Variants in PXDNL observed in about 807,000 individuals in gnomAD.
The protein encoded by PXDNL is peroxidasin like.
In PXDNL, 145 loss-of-function variants were observed where a neutral mutation model predicts 150.8. The ratio of observed to expected loss-of-function variants is 0.96; its 90% confidence interval spans 0.84 to 1.10. PXDNL has a LOEUF of 1.10. Ranked by LOEUF, PXDNL falls within the 50% of genes least tolerant of loss-of-function variation. The pLI, the probability that PXDNL is intolerant of heterozygous loss-of-function variation, is 0.00. For missense variants in PXDNL, 2,087 were observed against 1,873.9 expected, an observed-to-expected ratio of 1.11 and a Z score of -2.10; for synonymous variants, 757 against 725.7, an observed-to-expected ratio of 1.04 and a Z score of -0.69.
At chr8:51,792,488 A>G (rs1295710378) in intron 1 of PXDNL, among the ~76,000 whole-genome samples, 1 of 152,226 alleles carries the variant, frequency 6.6e-6, no homozygotes. Context: ...GCAGATTCTC[A>G]GCAACCACTC....
chr8:51,639,653 G>T (rs2130773911), intron 2 of PXDNL, among the ~76,000 whole-genome samples: 1 of 152,262 alleles, frequency 6.6e-6, no homozygotes, highest in East Asian at 1.9e-4. Flanking sequence ...ACTAAACCAG[G>T]AAGAAGTTGA....
intron 2 of PXDNL, among the ~76,000 whole-genome samples, chr8:51,644,930 G>T (rs1332059423): frequency 6.6e-6 from 1 of 151,900 alleles, no homozygotes; most frequent in South Asian, 2.1e-4. Flanking sequence ...ATCAGTCAGG[G>T]TTCTCCAGAG....
At chr8:51,607,090 A>G (rs1813851942) in intron 2 of PXDNL, among the ~76,000 whole-genome samples, 1 of 152,324 alleles carries the variant, frequency 6.6e-6, no homozygotes, top group Non-Finnish European at 1.5e-5. Context: ...ATATTGTGGA[A>G]TATAATTTAC....
intron 8 of PXDNL, among the ~76,000 whole-genome samples, chr8:51,459,510 T>C (rs1810015984): frequency 6.6e-6 from 1 of 152,222 alleles, no homozygotes; most frequent in Non-Finnish European, 1.5e-5. Context: ...CCAGGATTCA[T>C]TATGTTAAAA....
chr8:51,756,059 T>C (rs778116809), intron 1 of PXDNL, among the ~76,000 whole-genome samples: 1 of 152,158 alleles, frequency 6.6e-6, no homozygotes, highest in African/African-American at 2.4e-5. Flanking sequence ...ATCATATACA[T>C]GAGTATCACA....
At chr8:51,354,713 C>T (rs1408567553) in intron 19 of PXDNL, among the ~76,000 whole-genome samples, 1 of 152,012 alleles carries the variant, frequency 6.6e-6, no homozygotes, top group East Asian at 1.9e-4. Flanking sequence ...TGGTGAAGCC[C>T]TGCTAATGAA....
chr8:51,683,318 G>T (rs1434973285), intron 1 of PXDNL, among the ~76,000 whole-genome samples: 1 of 150,138 alleles, frequency 6.7e-6, no homozygotes, highest in Non-Finnish European at 1.5e-5. Context: ...TCTCCCTAAT[G>T]ATTAGTGACA....
In PXDNL at chr8:51,324,063, C is replaced by T. The variant is rs577023786; in HGVS notation, c.4147-3166G>A. 2.6e-5 allele frequency among the ~76,000 whole-genome samples: 4 copies of T among 152,178 alleles called. No individual in the cohort carries two copies. The East Asian group carries it at 7.7e-4, about 29-fold the overall frequency. ...ATAAAAGGATGTAACTTTCCTTTTC[C>T]TATCACCCATGTGTTCATTGTTAGT... On this transcript the variant is annotated intron_variant, in intron 21 of 22. Coordinates refer to ENST00000356297, the MANE Select transcript of PXDNL (RefSeq NM_144651.5).
At chr8:51,414,102 C>T (rs1808726972) in intron 14 of PXDNL, among the ~76,000 whole-genome samples, 1 of 151,822 alleles carries the variant, frequency 6.6e-6, no homozygotes, top group South Asian at 2.1e-4. Flanking sequence ...TGATTAAAAA[C>T]TTGAATAGTA....
At chr8:51,638,267 C>T (rs1213173445) in intron 2 of PXDNL, among the ~76,000 whole-genome samples, 15 of 152,224 alleles carry the variant, frequency 9.9e-5, no homozygotes, top group East Asian at 1.9e-4. Context: ...TAAAGACCAT[C>T]GAGGCTAGGA....
chr8:51,581,562 A>G (rs554433356), intron 3 of PXDNL, among the ~76,000 whole-genome samples: 51 of 152,148 alleles, frequency 3.4e-4, no homozygotes, highest in African/African-American at 1.2e-3. Flanking sequence ...TGCACCAGAA[A>G]AAGAAATGAA....
At chr8:51,777,769 A>G (rs1043981716) in intron 1 of PXDNL, among the ~76,000 whole-genome samples, 20 of 152,168 alleles carry the variant, frequency 1.3e-4, no homozygotes, top group Admixed American at 6.5e-4. Flanking sequence ...CAGGCGTGGT[A>G]GTGGGCGCCT....
At chr8:51,761,095 G>T (rs561179009) in intron 1 of PXDNL, among the ~76,000 whole-genome samples, 1 of 144,192 alleles carries the variant, frequency 6.9e-6, no homozygotes, top group Non-Finnish European at 1.5e-5. Flanking sequence ...GGATGGTCTC[G>T]AACTGCTGAC....
chr8:51,777,768 T>C (rs994042531), intron 1 of PXDNL, among the ~76,000 whole-genome samples: 3 of 152,006 alleles, frequency 2.0e-5, no homozygotes, highest in African/African-American at 7.2e-5. Flanking sequence ...CCAGGCGTGG[T>C]AGTGGGCGCC....
chr8:51,554,519 T>C (rs1012197459), intron 4 of PXDNL, among the ~76,000 whole-genome samples: 3 of 152,218 alleles, frequency 2.0e-5, no homozygotes, highest in Admixed American at 1.3e-4. Context: ...CTTTTAATTA[T>C]AAAGGTCATC....
At chr8:51,717,031 G>T (rs1377364610) in intron 1 of PXDNL, among the ~76,000 whole-genome samples, 1 of 152,174 alleles carries the variant, frequency 6.6e-6, no homozygotes, top group Non-Finnish European at 1.5e-5. Context: ...ACCAGAGGAG[G>T]TTGTCTAGGT....
intron 21 of PXDNL, among the ~76,000 whole-genome samples, chr8:51,328,670 C>T (rs1279213292): frequency 6.6e-6 from 1 of 152,130 alleles, no homozygotes; most frequent in African/African-American, 2.4e-5. Context: ...GAAAAACTAA[C>T]AGAAAATCTA....
At chr8:51,795,719 C>T (rs921396512) in intron 1 of PXDNL, among the ~76,000 whole-genome samples, 2 of 152,172 alleles carry the variant, frequency 1.3e-5, no homozygotes, top group African/African-American at 4.8e-5. Context: ...CAGACCCTGA[C>T]CCAATGATGG....
chr8:51,557,002 C>T, intron 3 of PXDNL, 91 bp from the exon 4 acceptor site: 1 of 714,522 alleles, frequency 1.4e-6, no homozygotes, highest in Non-Finnish European at 2.4e-6. Flanking sequence ...AGCTGTGGAC[C>T]TTAGGAGCTT....
Sources: gnomAD v4.1 joint callset for allele counts (sites outside exome capture counted in the v4.1 genomes callset) on GRCh38, gnomAD v4.1.1 for gene constraint, MANE v1.5 for transcripts, NCBI Gene and HGNC (gene_info 2026-07-23, HGNC 2026-07-21) for gene names.